Variants in RAB3IP observed in about 807,000 individuals in gnomAD.
RAB3IP encodes the protein RAB3A interacting protein, also known as rab-3A-interacting protein.
A neutral mutation model predicts 59.1 loss-of-function variants in RAB3IP; 36 were observed. That is an observed-to-expected ratio of 0.61 (90% CI 0.47 to 0.80). The LOEUF (loss-of-function observed/expected upper bound fraction) is 0.80, where lower values mean the gene tolerates loss of function less well. Among genes scored for constraint, RAB3IP ranks in the 30% least tolerant of loss-of-function variants. The pLI is 0.00. For synonymous variants in RAB3IP, 207 were observed against 191.2 expected (o/e 1.08, Z -0.68); for missense variants, 511 against 536.0 (o/e 0.95, Z 0.46).
At chr12:69,808,339 G>A (rs569841838) in intron 8 of RAB3IP, among the ~76,000 whole-genome samples, 1 of 152,260 alleles carries the variant, frequency 6.6e-6, no homozygotes, top group South Asian at 2.1e-4. Context: ...AATAGGTGTG[G>A]TGTGGTGCTG....
In RAB3IP at chr12:69,800,230, G is replaced by C. The variant is rs752745734; in HGVS notation, c.910G>C (p.Glu304Gln). The change falls in exon 7 of 11, where the codon GAA becomes CAA. Residue 304 changes from glutamate (E) to glutamine (Q), a missense_variant. Coordinates refer to ENST00000247833, the MANE Select transcript of RAB3IP (RefSeq NM_022456.5). ...CKEADLSLYNEFRLWKDEPTM... is the reference protein window; with the variant it reads ...CKEADLSLYNQFRLWKDEPTM... ...TTAGGCTGACTTATCCTTGTATAAT[G>C]AATTCCGATTGTGGAAGGATGAGCC... 6.4e-7 allele frequency: 1 copy of C among 1,559,920 alleles called. No homozygotes were observed. Among genetic ancestry groups the C allele is most frequent in the South Asian group, 1.2e-5 (1 of 80,144 alleles).
chr12:69,749,303 T>C (rs906976649), intron 1 of RAB3IP, among the ~76,000 whole-genome samples: 8 of 152,220 alleles, frequency 5.3e-5, no homozygotes, highest in Admixed American at 2.6e-4. Flanking sequence ...TAAGAGAATC[T>C]AATGCCTGAT....
chr12:69,745,250 A>G (rs1868285464), intron 1 of RAB3IP, among the ~76,000 whole-genome samples: 2 of 152,196 alleles, frequency 1.3e-5, no homozygotes, highest in Admixed American at 6.5e-5. Flanking sequence ...CAGTACTTTT[A>G]CAAACTTTGT....
At chr12:69,762,009 C>T (rs145477410) in intron 3 of RAB3IP, among the ~76,000 whole-genome samples, 4 of 152,264 alleles carry the variant, frequency 2.6e-5, no homozygotes, top group Non-Finnish European at 5.9e-5. Flanking sequence ...TTCTAAAAAA[C>T]CTTGGCTTAG....
intron 6 of RAB3IP, chr12:69,796,706 T>C (rs2136234564): frequency 1.8e-6 from 1 of 568,580 alleles, no homozygotes. Context: ...TTCACATTGG[T>C]TTCTGTTAAA....
intron 6 of RAB3IP, chr12:69,796,444 A>G: frequency 2.5e-6 from 1 of 407,518 alleles, no homozygotes; most frequent in Admixed American, 4.4e-5. Flanking sequence ...AGGATTGATC[A>G]ATAATTTATG....
chr12:69,766,063 C>T (rs1161460091), intron 3 of RAB3IP, among the ~76,000 whole-genome samples: 1 of 152,190 alleles, frequency 6.6e-6, no homozygotes, highest in African/African-American at 2.4e-5. Flanking sequence ...ACCTTTTTCT[C>T]AGCCTTTAAG....
At chr12:69,752,184 T>C (rs1869436127) in intron 1 of RAB3IP, among the ~76,000 whole-genome samples, 1 of 151,724 alleles carries the variant, frequency 6.6e-6, no homozygotes, top group African/African-American at 2.4e-5. Flanking sequence ...TACAACTTTT[T>C]GTAGAGACAA....
intron 6 of RAB3IP, among the ~76,000 whole-genome samples, chr12:69,799,516 T>C (rs1878042723): frequency 6.6e-6 from 1 of 152,146 alleles, no homozygotes. Flanking sequence ...CAGTGGATTA[T>C]TATTGATGCC....
chr12:69,770,433 AG>A (rs1239807174), intron 3 of RAB3IP, among the ~76,000 whole-genome samples: 1 of 152,186 alleles, frequency 6.6e-6, no homozygotes. Flanking sequence ...CTGTGTAAAT[AG>A]TTGTTATACT....
rs749283863 is a variant in RAB3IP at position 69,756,410 on chromosome 12, A to G, written c.257A>G (p.His86Arg). 1.2e-5 allele frequency: 19 copies of G among 1,613,342 alleles called. No homozygotes were observed. The highest frequency in any genetic ancestry group is 1.6e-5 in the Non-Finnish European group (19 of 1,179,740). Residue 86 changes from histidine to arginine, a missense_variant, in exon 3 of 11, where the codon CAT becomes CGT. His to Arg is a conservative substitution (Grantham distance 29). Coordinates refer to ENST00000247833, the MANE Select transcript of RAB3IP (RefSeq NM_022456.5). ...NCAEISSISF[H>R]VTDPAPCSTS... ...AATGTCTCTCTCCTTTACAGCTTTCATGTTACAGACCCAGCCCCTTGCTCT... is the reference window on the plus strand; with the variant it reads ...AATGTCTCTCTCCTTTACAGCTTTCGTGTTACAGACCCAGCCCCTTGCTCT...
intron 3 of RAB3IP, among the ~76,000 whole-genome samples, chr12:69,773,399 CTTTT>C (rs71437123): frequency 2.0e-3 from 95 of 48,008 alleles, no homozygotes; most frequent in Middle Eastern, 0.026. Flanking sequence ...ATTTGTCTTT[CTTTT>C]TTTTTTTTTT....
chr12:69,804,091 T>A (rs905763647), intron 8 of RAB3IP, among the ~76,000 whole-genome samples: 1 of 152,130 alleles, frequency 6.6e-6, no homozygotes, highest in African/African-American at 2.4e-5. Flanking sequence ...TCCACAATGG[T>A]TGAACTAGTT....
At chr12:69,804,964 G>A (rs900565499) in intron 8 of RAB3IP, among the ~76,000 whole-genome samples, 2 of 152,210 alleles carry the variant, frequency 1.3e-5, no homozygotes. Flanking sequence ...GCTTAGGATT[G>A]ACTTGGCAAT....
chr12:69,781,508 A>G (rs1187912891), intron 3 of RAB3IP, among the ~76,000 whole-genome samples: 1 of 152,128 alleles, frequency 6.6e-6, no homozygotes, highest in Admixed American at 6.6e-5. Flanking sequence ...TGACCTAAAA[A>G]TCCTCTTTAC....
chr12:69,744,941 T>A (rs192364965), intron 1 of RAB3IP, among the ~76,000 whole-genome samples: 73 of 152,304 alleles, frequency 4.8e-4, no homozygotes, highest in South Asian at 8.3e-4. Context: ...AAAAATGATT[T>A]TATATATATA....
At chr12:69,787,145 A>G (rs1406626025) in intron 4 of RAB3IP, among the ~76,000 whole-genome samples, 1 of 152,294 alleles carries the variant, frequency 6.6e-6, no homozygotes, top group East Asian at 1.9e-4. Flanking sequence ...CAGTTTTGGT[A>G]AGTCTGACAT....
intron 3 of RAB3IP, among the ~76,000 whole-genome samples, chr12:69,784,089 T>TTAA (rs1875220534): frequency 6.6e-6 from 1 of 152,216 alleles, no homozygotes; most frequent in African/African-American, 2.4e-5. Context: ...TTGCATATGC[T>TTAA]TAATAGCTGA....
chr12:69,785,742 T>C (rs897466682), intron 4 of RAB3IP, among the ~76,000 whole-genome samples: 1 of 152,212 alleles, frequency 6.6e-6, no homozygotes, highest in Non-Finnish European at 1.5e-5. Flanking sequence ...TTCAGGATAA[T>C]GTTTGACTAC....
Sources: allele counts gnomAD v4.1 joint callset (sites outside exome capture counted in the v4.1 genomes callset), GRCh38; gene constraint gnomAD v4.1.1; transcripts MANE v1.5; gene names NCBI Gene and HGNC (gene_info 2026-07-23, HGNC 2026-07-21).